Variants in KCND2 observed in about 807,000 individuals in gnomAD.
KCND2 encodes the protein potassium voltage-gated channel subfamily D member 2, also known as A-type voltage-gated potassium channel KCND2.
In KCND2, 16 loss-of-function variants were observed where a neutral mutation model predicts 54.4. The ratio of observed to expected loss-of-function variants is 0.29; its 90% CI spans 0.20 to 0.45. The LOEUF is 0.45. Among genes scored for constraint, KCND2 ranks in the 20% least tolerant of loss-of-function variants. KCND2 has a pLI of 1.00. For missense variants in KCND2, 486 were observed against 824.2 expected (o/e 0.59, Z 5.02); for synonymous variants, 317 against 310.7 (o/e 1.02, Z -0.21).
intron 1 of KCND2, among the ~76,000 whole-genome samples, chr7:120,684,412 C>G (rs143058032): frequency 6.6e-6 from 1 of 152,124 alleles, no homozygotes; most frequent in Non-Finnish European, 1.5e-5. Flanking sequence ...TGTAAATTTC[C>G]TTCTTGGTGA....
intron 1 of KCND2, among the ~76,000 whole-genome samples, chr7:120,673,432 C>A (rs1439966602): frequency 1.3e-5 from 2 of 152,114 alleles, no homozygotes; most frequent in Non-Finnish European, 2.9e-5. Flanking sequence ...TGGAATACAG[C>A]TTCCCAACCA....
rs192638469 is a variant in KCND2 at position 120,455,261 on chromosome 7, G to A, written c.1115+179514G>A. Among the ~76,000 whole-genome samples the A allele has an allele frequency of 1.1e-3, 175 of 152,182 alleles. 1 individual carries two copies. Among genetic ancestry groups the A allele is most frequent in the Admixed American group, 2.7e-3 (41 of 15,274 alleles). ...CTAAGAGAAAAGAACAAAGCTGGAG[G>A]CATCAAGTTACGTGACTTCAAACTA... On this transcript the variant is annotated intron_variant, in intron 1 of 5. Transcript: ENST00000331113.
chr7:120,309,597 T>C (rs1402750309), intron 1 of KCND2, among the ~76,000 whole-genome samples: 1 of 151,412 alleles, frequency 6.6e-6, no homozygotes, highest in African/African-American at 2.4e-5. Flanking sequence ...GATCATTATA[T>C]GCCAGCTGTG....
At chr7:120,726,893 T>G (rs1792740133) in intron 1 of KCND2, among the ~76,000 whole-genome samples, 1 of 152,206 alleles carries the variant, frequency 6.6e-6, no homozygotes. Context: ...ATGAAAAAGA[T>G]AATGTGAGAG....
At chr7:120,736,343 A>G (rs1046310669) in intron 2 of KCND2, among the ~76,000 whole-genome samples, 2 of 151,992 alleles carry the variant, frequency 1.3e-5, no homozygotes, top group African/African-American at 2.4e-5. Context: ...TAAAGTCTTA[A>G]CTAAATACTG....
At chr7:120,556,035 T>C (rs977422011) in intron 1 of KCND2, among the ~76,000 whole-genome samples, 3 of 152,190 alleles carry the variant, frequency 2.0e-5, no homozygotes, top group Admixed American at 6.5e-5. Flanking sequence ...AATTCTTGAA[T>C]CAAACGTAAA....
At chr7:120,314,058 C>A (rs1584725735) in intron 1 of KCND2, among the ~76,000 whole-genome samples, 1 of 144,986 alleles carries the variant, frequency 6.9e-6, no homozygotes, top group African/African-American at 2.6e-5. Flanking sequence ...TTTATTTCTT[C>A]AGTGTAAATA....
chr7:120,354,043 C>T (rs1310558012), intron 1 of KCND2, among the ~76,000 whole-genome samples: 1 of 152,058 alleles, frequency 6.6e-6, no homozygotes, highest in Admixed American at 6.6e-5. Flanking sequence ...AGTACTTCTG[C>T]TTCATATGAA....
intron 1 of KCND2, among the ~76,000 whole-genome samples, chr7:120,608,575 C>CAGTATA (rs1415141242): frequency 6.6e-6 from 1 of 152,098 alleles, no homozygotes; most frequent in Admixed American, 6.6e-5. Context: ...TGCTGAGCTT[C>CAGTATA]AGTATAATAT....
At chr7:120,430,867 T>G (rs958538645) in intron 1 of KCND2, among the ~76,000 whole-genome samples, 103 of 152,324 alleles carry the variant, frequency 6.8e-4, no homozygotes, top group African/African-American at 2.0e-3. Flanking sequence ...AGAGATAGTA[T>G]TATTTATCAA....
intron 1 of KCND2, among the ~76,000 whole-genome samples, chr7:120,511,635 A>G (rs545020809): frequency 6.6e-6 from 1 of 152,256 alleles, no homozygotes; most frequent in Non-Finnish European, 1.5e-5. Flanking sequence ...AGGGGAAAGA[A>G]TGTTGTTTTA....
chr7:120,497,877 G>A (rs532592438), intron 1 of KCND2, among the ~76,000 whole-genome samples: 2 of 152,254 alleles, frequency 1.3e-5, no homozygotes, highest in Admixed American at 1.3e-4. Context: ...CAAAACTCAG[G>A]TGTTTTACTT....
At position 120,632,768 on chromosome 7, in the gene KCND2, C is replaced by G. The variant is rs1232027003; in HGVS notation, c.1116-100135C>G. On this transcript the variant is annotated intron_variant, in intron 1 of 5. Transcript: ENST00000331113. The stretch of plus-strand genomic sequence containing the variant: ...GCATGGGGAGGTTAGGTACTTGCCC[C>G]AGATCGCACAGTGAAAAGCTGGAGT... Among the ~76,000 whole-genome samples, 4 of 152,256 alleles carry G rather than the reference C, an allele frequency of 2.6e-5. No homozygotes were observed. In the East Asian group the frequency reaches 7.7e-4, roughly 29 times the overall value.
intron 1 of KCND2, among the ~76,000 whole-genome samples, chr7:120,285,924 G>A (rs1799334809): frequency 6.6e-6 from 1 of 151,786 alleles, no homozygotes; most frequent in African/African-American, 2.4e-5. Context: ...GATAAGTAAA[G>A]TGCCTATCAA....
In KCND2 at chr7:120,306,144, C is replaced by T. The variant is rs553137468; in HGVS notation, c.1115+30397C>T. Among the ~76,000 whole-genome samples the T allele has an allele frequency of 7.2e-5, 11 of 152,132 alleles. No homozygotes were observed. In the South Asian group the frequency reaches 2.1e-3, roughly 29 times the overall value. ...ATCCTCCACCAAGAATTTTGTGTCT[C>T]TTACCTTATCATCAGAAATCCTATA... On this transcript the variant is annotated intron_variant, in intron 1 of 5. Transcript: ENST00000331113.
intron 1 of KCND2, among the ~76,000 whole-genome samples, chr7:120,411,535 T>C (rs1240940332): frequency 6.6e-6 from 1 of 151,684 alleles, no homozygotes; most frequent in Admixed American, 6.6e-5. Context: ...GAGCCTGATA[T>C]CAGGGCACTC....
chr7:120,356,701 T>G (rs1013634785), intron 1 of KCND2, among the ~76,000 whole-genome samples: 6 of 152,168 alleles, frequency 3.9e-5, no homozygotes, highest in Non-Finnish European at 5.9e-5. Flanking sequence ...TCCTCATCAT[T>G]TCTTGCTATT....
intron 1 of KCND2, among the ~76,000 whole-genome samples, chr7:120,640,843 C>T (rs1793362523): frequency 6.6e-6 from 1 of 152,152 alleles, no homozygotes; most frequent in Non-Finnish European, 1.5e-5. Context: ...CTTCTCCAAG[C>T]CCACATAGAA....
chr7:120,477,133 T>C (rs1333194501), intron 1 of KCND2, among the ~76,000 whole-genome samples: 2 of 152,236 alleles, frequency 1.3e-5, no homozygotes, highest in African/African-American at 4.8e-5. Context: ...TACTGTGCAC[T>C]GTTATTTTAT....
Sources: allele counts gnomAD v4.1 joint callset (sites outside exome capture counted in the v4.1 genomes callset), GRCh38; gene constraint gnomAD v4.1.1; transcripts MANE v1.5; gene names NCBI Gene and HGNC (gene_info 2026-07-23, HGNC 2026-07-21).